Variants in RIN3 observed in about 807,000 individuals in gnomAD.
RIN3 encodes RAB5 interacting protein 3.
Under a neutral mutation model 76.3 loss-of-function variants are expected in RIN3, and 54 were observed. The ratio of observed to expected loss-of-function variants is 0.71; its 90% CI spans 0.57 to 0.89. RIN3 has a LOEUF of 0.89. RIN3 is among the 40% of genes least tolerant of loss of function. The pLI is 0.00. For synonymous variants in RIN3, 576 were observed against 564.0 expected, an observed-to-expected ratio of 1.02 and a Z score of -0.30; for missense variants, 1,256 against 1,322.1, an observed-to-expected ratio of 0.95 and a Z score of 0.78.
At chr14:92,612,051 A>G (rs1885760022) in intron 3 of RIN3, among the ~76,000 whole-genome samples, 2 of 152,156 alleles carry the variant, frequency 1.3e-5, no homozygotes, top group African/African-American at 2.4e-5. Flanking sequence ...CACCGAGGGG[A>G]TGGTGCTAAC....
At chr14:92,664,066 G>C (rs1887984135) in intron 7 of RIN3, among the ~76,000 whole-genome samples, 1 of 152,120 alleles carries the variant, frequency 6.6e-6, no homozygotes, top group Non-Finnish European at 1.5e-5. Context: ...CAATACAGAA[G>C]CTGAACTCAG....
At chr14:92,668,656 C>T (rs904994868) in intron 7 of RIN3, among the ~76,000 whole-genome samples, 4 of 152,172 alleles carry the variant, frequency 2.6e-5, no homozygotes, top group African/African-American at 7.2e-5. Flanking sequence ...ATTTCTCTGC[C>T]GAGGCTTCAG....
At chr14:92,592,766 C>T (rs1188562685) in intron 3 of RIN3, among the ~76,000 whole-genome samples, 2 of 151,296 alleles carry the variant, frequency 1.3e-5, no homozygotes, top group Non-Finnish European at 2.9e-5. Context: ...ACCTCTGCCT[C>T]CTGGGTTGAA....
At chr14:92,562,273 A>G (rs1352194365) in intron 2 of RIN3, among the ~76,000 whole-genome samples, 1 of 152,148 alleles carries the variant, frequency 6.6e-6, no homozygotes, top group Non-Finnish European at 1.5e-5. Flanking sequence ...TGACTTAACC[A>G]CTGGTGATGT....
intron 5 of RIN3, among the ~76,000 whole-genome samples, chr14:92,647,498 A>G (rs1887242805): frequency 6.6e-6 from 1 of 152,222 alleles, no homozygotes. Flanking sequence ...TAGGAAAGGC[A>G]TCTGTTCTGT....
At chr14:92,664,436 C>T (rs1444203387) in intron 7 of RIN3, among the ~76,000 whole-genome samples, 3 of 137,870 alleles carry the variant, frequency 2.2e-5, no homozygotes, top group Admixed American at 7.9e-5. Context: ...GGCGCGATCT[C>T]GGCTCACTGC....
chr14:92,611,226 A>G (rs1885719514), intron 3 of RIN3, among the ~76,000 whole-genome samples: 2 of 151,950 alleles, frequency 1.3e-5, no homozygotes, highest in Non-Finnish European at 1.5e-5. Flanking sequence ...CATCACTGCA[A>G]TCTCCATCTC....
chr14:92,615,587 G>A (rs1210107019), intron 4 of RIN3, 108 bp downstream of exon 4: 1 of 924,156 alleles, frequency 1.1e-6, no homozygotes, highest in South Asian at 1.3e-5. Flanking sequence ...GGAGGGGTGT[G>A]GCCCAGAGGA....
intron 3 of RIN3, among the ~76,000 whole-genome samples, chr14:92,581,969 C>G (rs11848217): frequency 0.26 from 38,875 of 152,030 alleles, 5,310 homozygotes; most frequent in African/African-American, 0.33. Context: ...TGAAGGCAGG[C>G]AGGGTGATCA....
chr14:92,671,136 GGTTA>G (rs1278914873), intron 7 of RIN3, among the ~76,000 whole-genome samples: 3 of 152,276 alleles, frequency 2.0e-5, no homozygotes, highest in East Asian at 3.9e-4. Context: ...GCTCAGAGAG[GGTTA>G]GTGACTCACT....
At chr14:92,627,374 A>G (rs569965479) in intron 4 of RIN3, among the ~76,000 whole-genome samples, 1 of 152,350 alleles carries the variant, frequency 6.6e-6, no homozygotes, top group Non-Finnish European at 1.5e-5. Flanking sequence ...TATAAGCCCC[A>G]TGGCAGGATC....
intron 1 of RIN3, among the ~76,000 whole-genome samples, chr14:92,535,050 G>A (rs1169572808): frequency 1.3e-5 from 2 of 152,196 alleles, no homozygotes; most frequent in African/African-American, 2.4e-5. Flanking sequence ...CCTTGGTAGT[G>A]TCAGCCTCCA....
Position 92,537,634 on chromosome 14 carries a change from C to CTTT in RIN3, c.45-18092_45-18090dup, listed in dbSNP as rs576683908. ...CAGCTATAAGTGAGTGCCTTAGGGACTTTTTTTTTTTTTTTTTTTTTTTTT... is the reference window on the plus strand; with the variant it reads ...CAGCTATAAGTGAGTGCCTTAGGGACTTTTTTTTTTTTTTTTTTTTTTTTTTTT... On this transcript the variant is annotated intron_variant, in intron 1 of 9. Coordinates refer to ENST00000216487, the MANE Select transcript of RIN3 (RefSeq NM_024832.5). Among the ~76,000 whole-genome samples, 39 of 51,636 alleles carry CTTT rather than the reference C, an allele frequency of 7.6e-4. 2 individuals carry two copies. The highest frequency in any genetic ancestry group is 9.7e-4 in the South Asian group (1 of 1,036). 33.9% of individuals were successfully genotyped at this position (51,636 alleles called of 152,430 possible). A position where few individuals can be genotyped will look rare whatever the true frequency, so the allele number is the denominator to read the frequency against.
intron 1 of RIN3, among the ~76,000 whole-genome samples, chr14:92,537,007 T>A (rs936130765): frequency 9.9e-5 from 6 of 60,334 alleles, no homozygotes; most frequent in South Asian, 3.8e-4. Flanking sequence ...GATTTAAAAA[T>A]ATATATATAT....
chr14:92,641,418 A>G (rs563491970), intron 5 of RIN3, 89 bp downstream of exon 5: 1 of 953,652 alleles, frequency 1.0e-6, no homozygotes, highest in South Asian at 1.4e-5. Flanking sequence ...GTGCAGAGGG[A>G]CAGCCTGAGT....
At chr14:92,642,287 T>C (rs1000591922) in intron 5 of RIN3, among the ~76,000 whole-genome samples, 4 of 151,848 alleles carry the variant, frequency 2.6e-5, no homozygotes, top group African/African-American at 9.7e-5. Flanking sequence ...TATTTTAACA[T>C]GGTCTCTCCA....
At chr14:92,520,934 ATGG>A (rs10548260) in intron 1 of RIN3, among the ~76,000 whole-genome samples, 10,045 of 152,198 alleles carry the variant, frequency 0.066, 1,105 homozygotes, top group African/African-American at 0.23. Context: ...CTCTCTACCG[ATGG>A]CATCTGGTGA....
rs935859397 is a variant in RIN3, at chr14:92,681,845, T to C, written c.2468-3142T>C. Among the ~76,000 whole-genome samples the C allele has an allele frequency of 6.6e-6, 1 of 152,150 alleles. No individual in the cohort carries two copies. The highest frequency in any genetic ancestry group is 1.5e-5 in the Non-Finnish European group (1 of 68,030). ...AGGGACACCAAGGCAACCTCTGTGG[T>C]AGCTTTAATTTAGTTTTTTCAAAAA... On this transcript the variant is annotated intron_variant, in intron 8 of 9. Coordinates refer to ENST00000216487, the MANE Select transcript of RIN3 (RefSeq NM_024832.5). This position sits in a 1 kb window ranked among gnomAD's most constrained non-coding sequence, Gnocchi z 4.7.
intron 7 of RIN3, among the ~76,000 whole-genome samples, chr14:92,664,203 A>G (rs1011348478): frequency 6.6e-6 from 1 of 152,132 alleles, no homozygotes; most frequent in Admixed American, 6.6e-5. Context: ...GGGGTTCTGC[A>G]TGGGATTTTG....
Sources: gnomAD v4.1 joint callset for allele counts (sites outside exome capture counted in the v4.1 genomes callset) on GRCh38, gnomAD v4.1.1 for gene constraint, Gnocchi (gnomAD v3.1) non-coding constraint, MANE v1.5 for transcripts, NCBI Gene and HGNC (gene_info 2026-07-23, HGNC 2026-07-21) for gene names.